The following ZNF283 variants were observed in gnomAD, a reference collection of about 807,000 sequenced individuals.
The protein encoded by ZNF283 is zinc finger protein 41.
In ZNF283, 10 loss-of-function variants were observed where a neutral mutation model predicts 9.2. That is an observed-to-expected ratio of 1.09 (90% CI 0.67 to 1.85). The LOEUF is 1.85. ZNF283 is among the 40% of genes most tolerant of loss of function. The probability of loss-of-function intolerance (pLI) is 0.00; values close to 1 mark genes in which losing one functional copy is unlikely to be tolerated. For missense variants in ZNF283, 631 were observed against 760.1 expected, an observed-to-expected ratio of 0.83 and a Z score of 2.00; for synonymous variants, 234 against 244.1, an observed-to-expected ratio of 0.96 and a Z score of 0.38.
intron 6 of ZNF283, among the ~76,000 whole-genome samples, chr19:43,846,356 A>G (rs556584459): frequency 6.6e-6 from 1 of 152,218 alleles, no homozygotes; most frequent in African/African-American, 2.4e-5. Context: ...TATTTTTACA[A>G]TTGTGAACAT....
Position 43,848,697 on chromosome 19 carries a change from G to A in ZNF283, c.*56G>A. The A allele has an allele frequency of 6.8e-7, 1 of 1,461,244 alleles. No individual in the cohort carries two copies. The allele number at this position is 1,461,244 out of a possible 1,614,324, so 90.5% of individuals were successfully genotyped here. On this transcript the variant is annotated 3_prime_UTR_variant, in exon 7 of 7. Coordinates refer to ENST00000618787, the MANE Select transcript of ZNF283 (RefSeq NM_181845.2). The stretch of plus-strand genomic sequence containing the variant: ...GTGTATAGACAACTTATCATAATAA[G>A]AACTCTTACTCTTGAGAAACCTTGT...
chr19:43,833,846 A>G (rs1970837171), intron 4 of ZNF283: 2 of 152,238 alleles, frequency 1.3e-5, no homozygotes, highest in African/African-American at 4.8e-5. Context: ...ATTTGCCCCA[A>G]ATGCCTGACC....
chr19:43,830,963 T>C (rs997060879), intron 2 of ZNF283, among the ~76,000 whole-genome samples: 3 of 147,440 alleles, frequency 2.0e-5, no homozygotes, highest in African/African-American at 7.5e-5. Flanking sequence ...GTCAAGTAAA[T>C]TGCAGTATGT....
At chr19:43,845,114 A>G (rs562183332) in intron 6 of ZNF283, among the ~76,000 whole-genome samples, 9 of 152,302 alleles carry the variant, frequency 5.9e-5, no homozygotes, top group African/African-American at 2.2e-4. Context: ...TTGCTGGGAC[A>G]GGTACCTTTT....
In ZNF283 at chr19:43,851,025, A is replaced by G. The variant is rs1971593763; in HGVS notation, c.*2384A>G. ...GTGCACATAGGGGATTCGTAATATC[A>G]CTGTTCAGTCAGTCATTCACCATCT... is the stretch of plus-strand genomic sequence containing the variant. On this transcript the variant is annotated 3_prime_UTR_variant, in exon 7 of 7. Coordinates refer to ENST00000618787, the MANE Select transcript of ZNF283 (RefSeq NM_181845.2). The G allele has an allele frequency of 6.6e-6, 1 of 152,188 alleles. No homozygotes were observed. Among genetic ancestry groups the G allele is most frequent in the Non-Finnish European group, 1.5e-5 (1 of 68,038 alleles). 9.4% of individuals were successfully genotyped at this position (152,188 alleles called of 1,614,324 possible). A position where few individuals can be genotyped will look rare whatever the true frequency, so the allele number is the denominator to read the frequency against.
chr19:43,845,507 AG>A (rs1971368715), intron 6 of ZNF283, among the ~76,000 whole-genome samples: 1 of 152,178 alleles, frequency 6.6e-6, no homozygotes, highest in Non-Finnish European at 1.5e-5. Context: ...AATAATGAGA[AG>A]GTAGCAAGAT....
At position 43,847,128 on chromosome 19, in the gene ZNF283, G is replaced by A; in HGVS notation, c.527G>A (p.Ser176Asn). ...GLKGHQEGYFSQMIISYEKIP... is the reference protein window; with the variant it reads ...GLKGHQEGYFNQMIISYEKIP... ...AAAGGACATCAAGAGGGATACTTCA[G>A]TCAAATGATAATCAGCTATGAAAAA... is the stretch of plus-strand genomic sequence containing the variant. Residue 176 changes from serine to asparagine, a missense_variant, in exon 7 of 7, where the codon AGT becomes AAT. Transcript: ENST00000618787. The A allele has an allele frequency of 6.2e-7, 1 of 1,613,354 alleles. No individual in the cohort carries two copies. Among genetic ancestry groups the A allele is most frequent in the Non-Finnish European group, 8.5e-7 (1 of 1,179,554 alleles).
chr19:43,836,229 A>T (rs1970973536), intron 5 of ZNF283, among the ~76,000 whole-genome samples: 1 of 152,242 alleles, frequency 6.6e-6, no homozygotes, highest in South Asian at 2.1e-4. Flanking sequence ...AATGCTTATG[A>T]TGTAATCTAA....
chr19:43,828,065 C>G (rs1196652123), intron 1 of ZNF283, 137 bp from the exon 2 acceptor site: 1 of 152,186 alleles, frequency 6.6e-6, no homozygotes, highest in Non-Finnish European at 1.5e-5. Flanking sequence ...TCTAGCCTCC[C>G]TTTTCATTCC....
At chr19:43,841,121 A>C (rs1420746146) in intron 6 of ZNF283, 1 of 152,080 alleles carries the variant, frequency 6.6e-6, no homozygotes, top group African/African-American at 2.4e-5. Flanking sequence ...GTCACTATTG[A>C]TATGGTTAGA....
chr19:43,848,202 A>G lies in ZNF283; in HGVS notation c.1601A>G (p.Glu534Gly), dbSNP rs770375707. The G allele has an allele frequency of 6.2e-7, 1 of 1,613,964 alleles. No individual in the cohort carries two copies. Among genetic ancestry groups the G allele is most frequent in the South Asian group, 1.1e-5 (1 of 91,080 alleles). ...FNCGSSLVQHERIHTGEKPYE... is the reference protein window; with the variant it reads ...FNCGSSLVQHGRIHTGEKPYE... ...TGTGGATCAAGCCTTGTTCAACATGAAAGAATCCATACAGGGGAGAAACCC... is the reference window on the plus strand; with the variant it reads ...TGTGGATCAAGCCTTGTTCAACATGGAAGAATCCATACAGGGGAGAAACCC... Residue 534 changes from glutamate to glycine, a missense_variant, in exon 7 of 7, where the codon GAA becomes GGA. Coordinates refer to ENST00000618787, the MANE Select transcript of ZNF283 (RefSeq NM_181845.2).
chr19:43,833,484 C>CTTTTTTT lies in ZNF283; in HGVS notation c.1-10_1-4dup, dbSNP rs55882936. The CTTTTTTT allele has an allele frequency of 4.7e-3, 646 of 138,012 alleles. 88 individuals are homozygous for CTTTTTTT. Among genetic ancestry groups the CTTTTTTT allele is most frequent in the African/African-American group, 0.023 (575 of 24,966 alleles). 8.5% of individuals were successfully genotyped at this position (138,012 alleles called of 1,614,324 possible). On this transcript the variant is annotated intron_variant, in intron 3 of 6. Transcript: ENST00000618787. Reference sequence around the variant, plus strand: ...GTGTTTCTTTCTTCTTTACCTATTTCTTTTTTTTTTTTTTTTTCAGATGGA... The same window carrying CTTTTTTT: ...GTGTTTCTTTCTTCTTTACCTATTTCTTTTTTTTTTTTTTTTTTTTTTTTCAGATGGA...
intron 3 of ZNF283, 129 bp downstream of exon 3, chr19:43,831,510 A>G (rs2146533120): frequency 2.6e-6 from 2 of 764,804 alleles, no homozygotes; most frequent in South Asian, 1.9e-5. Context: ...TATAGTTCCA[A>G]TTATGGAATT....
chr19:43,839,906 C>T lies in ZNF283; in HGVS notation c.337+2727C>T, dbSNP rs138082872. The stretch of plus-strand genomic sequence containing the variant: ...AGTTCATTTAATGTCTGGGCTTCCT[C>T]AGGAATGGTTTCTGTCAGATTCTTT... On this transcript the variant is annotated intron_variant, in intron 6 of 6. Coordinates refer to ENST00000618787, the MANE Select transcript of ZNF283 (RefSeq NM_181845.2). Among the ~76,000 whole-genome samples, 1,024 of 152,230 alleles carry T rather than the reference C, an allele frequency of 6.7e-3. 8 individuals carry two copies. Among genetic ancestry groups the T allele is most frequent in the Non-Finnish European group, 7.0e-3 (475 of 68,012 alleles).
At chr19:43,840,653 C>G (rs1295330325) in intron 6 of ZNF283, 2 of 152,138 alleles carry the variant, frequency 1.3e-5, no homozygotes, top group Non-Finnish European at 2.9e-5. Flanking sequence ...TGATAAGATT[C>G]CAGAATTAAG....
intron 3 of ZNF283, among the ~76,000 whole-genome samples, chr19:43,832,873 C>T (rs960769640): frequency 6.6e-6 from 1 of 151,410 alleles, no homozygotes; most frequent in African/African-American, 2.4e-5. Flanking sequence ...AAAGAAGAAT[C>T]ATTAGTCGGG....
chr19:43,849,394 C>T lies in ZNF283; in HGVS notation c.*753C>T, dbSNP rs1338306628. The T allele has an allele frequency of 6.6e-6, 1 of 152,134 alleles. No homozygotes were observed. Among genetic ancestry groups the T allele is most frequent in the Non-Finnish European group, 1.5e-5 (1 of 67,996 alleles). 9.4% of individuals were successfully genotyped at this position (152,134 alleles called of 1,614,324 possible). A position where few individuals can be genotyped will look rare whatever the true frequency, so the allele number is the denominator to read the frequency against. ...AATTTGAGACAAGACTCACACTTTTCAAGACATGAGACAAGTGACAATTTA... is the reference window on the plus strand; with the variant it reads ...AATTTGAGACAAGACTCACACTTTTTAAGACATGAGACAAGTGACAATTTA... On this transcript the variant is annotated 3_prime_UTR_variant, in exon 7 of 7. Coordinates refer to ENST00000618787, the MANE Select transcript of ZNF283 (RefSeq NM_181845.2).
rs192709115 is a variant in ZNF283 at position 43,834,657 on chromosome 19, G to A, written c.123-848G>A. On this transcript the variant is annotated intron_variant, in intron 4 of 6. Transcript: ENST00000618787. ...GTCACCCAGGCTGGAGTGCAGCAGC[G>A]CGATCTCGGCTCACTGCCAGCTCTG... Among the ~76,000 whole-genome samples the A allele has an allele frequency of 6.1e-4, 93 of 151,986 alleles. 1 individual carries two copies. The highest frequency in any genetic ancestry group is 2.1e-3 in the African/African-American group (85 of 41,452).
intron 2 of ZNF283, among the ~76,000 whole-genome samples, 159 bp from the exon 3 acceptor site, chr19:43,831,159 A>T (rs1205749838): frequency 6.6e-6 from 1 of 152,232 alleles, no homozygotes; most frequent in Non-Finnish European, 1.5e-5. Flanking sequence ...CAAGAATTAC[A>T]TTAAAATGTT....
Sources: gnomAD v4.1 joint callset for allele counts (sites outside exome capture counted in the v4.1 genomes callset) on GRCh38, gnomAD v4.1.1 for gene constraint, MANE v1.5 for transcripts, NCBI Gene and HGNC (gene_info 2026-07-23, HGNC 2026-07-21) for gene names.